C1QTNF7: variants seen among roughly 807,000 people sequenced by gnomAD.
C1QTNF7 encodes complement C1q tumor necrosis factor-related protein 7.
Under a neutral mutation model 19.6 loss-of-function variants are expected in C1QTNF7, and 15 were observed. The observed-to-expected ratio is 0.76, with a 90% CI of 0.51 to 1.18. The LOEUF is 1.18. Ranked by LOEUF, C1QTNF7 falls within the 50% of genes most tolerant of loss-of-function variation. The pLI is 0.00. For missense variants in C1QTNF7, 324 were observed against 359.7 expected (o/e 0.90, Z 0.80); for synonymous variants, 142 against 137.5 (o/e 1.03, Z -0.23).
At chr4:15,368,989 G>T (rs554717015) in intron 1 of C1QTNF7, among the ~76,000 whole-genome samples, 2 of 152,174 alleles carry the variant, frequency 1.3e-5, no homozygotes, top group Non-Finnish European at 2.9e-5. Flanking sequence ...TGGAGAAAAT[G>T]ATGTAAAAAA....
chr4:15,426,434 A>C (rs1180693758), upstream of C1QTNF7, among the ~76,000 whole-genome samples: 1 of 152,248 alleles, frequency 6.6e-6, no homozygotes, highest in African/African-American at 2.4e-5. Flanking sequence ...GTTCAGAAAG[A>C]CACAGATTAC....
intron 1 of C1QTNF7, among the ~76,000 whole-genome samples, chr4:15,415,003 G>A: frequency 6.6e-6 from 1 of 152,188 alleles, no homozygotes; most frequent in East Asian, 1.9e-4. Context: ...TAAAACATGA[G>A]TGCGCATACC....
chr4:15,342,083 G>C (rs1191880930), intron 1 of C1QTNF7, among the ~76,000 whole-genome samples: 2 of 152,204 alleles, frequency 1.3e-5, no homozygotes, highest in African/African-American at 4.8e-5. Context: ...GTCACTGGGG[G>C]GCTTTGTAAT....
At chr4:15,428,322 A>T (rs1712146644) in intron 1 of C1QTNF7, among the ~76,000 whole-genome samples, 6 of 152,094 alleles carry the variant, frequency 3.9e-5, no homozygotes, top group Admixed American at 2.6e-4. Flanking sequence ...CTAACCTACC[A>T]CAAGATGGTT....
intron 1 of C1QTNF7, among the ~76,000 whole-genome samples, chr4:15,357,702 C>G (rs1560340282): frequency 6.6e-6 from 1 of 152,164 alleles, no homozygotes; most frequent in Non-Finnish European, 1.5e-5. Context: ...AATATTGATT[C>G]TTCCTATCCA....
intron 1 of C1QTNF7, among the ~76,000 whole-genome samples, chr4:15,367,107 G>A (rs1327938300): frequency 6.6e-6 from 1 of 152,170 alleles, no homozygotes; most frequent in Non-Finnish European, 1.5e-5. Flanking sequence ...ATCAGGAAGT[G>A]CTTCTTAGTT....
Position 15,374,603 on chromosome 4 carries a change from G to A in C1QTNF7, c.13+34396G>A, listed in dbSNP as rs953709734. On this transcript the variant is annotated intron_variant, in intron 1 of 2. Coordinates refer to the C1QTNF7 transcript ENST00000295297. ...CTCTCTCTGCCACCGCTCAAAGCCTGGGAGAACGCTTTTGAAAGCGAATCA... is the reference window on the plus strand; with the variant it reads ...CTCTCTCTGCCACCGCTCAAAGCCTAGGAGAACGCTTTTGAAAGCGAATCA... The A allele has an allele frequency of 6.1e-6, 6 of 985,262 alleles. No individual in the cohort carries two copies. The African/African-American group carries it at 1.0e-4, about 17-fold the overall frequency. 61.0% of individuals were successfully genotyped at this position (985,262 alleles called of 1,614,324 possible). A position where few individuals can be genotyped will look rare whatever the true frequency, so the allele number is the denominator to read the frequency against.
intron 1 of C1QTNF7, among the ~76,000 whole-genome samples, chr4:15,412,553 T>C (rs182784492): frequency 2.6e-5 from 4 of 152,270 alleles, no homozygotes; most frequent in Admixed American, 2.0e-4. Flanking sequence ...AAAGGACTGT[T>C]GTGATTACAG....
intron 1 of C1QTNF7, among the ~76,000 whole-genome samples, chr4:15,378,703 G>T (rs1718034998): frequency 6.6e-6 from 1 of 152,164 alleles, no homozygotes; most frequent in Non-Finnish European, 1.5e-5. Flanking sequence ...GTCTGAAATT[G>T]TGCATATGTT....
At position 15,362,204 on chromosome 4, in the gene C1QTNF7, C is replaced by T. The variant is rs146093924; in HGVS notation, c.13+21997C>T. 1.4e-4 allele frequency among the ~76,000 whole-genome samples: 22 copies of T among 152,298 alleles called. No individual in the cohort carries two copies. In the East Asian group the frequency reaches 3.5e-3, roughly 24 times the overall value. ...TGCCAGCCACACAGCAAAATGTCTACACTCTTATTTCCTAAGAGGTGATGT... is the reference window on the plus strand; with the variant it reads ...TGCCAGCCACACAGCAAAATGTCTATACTCTTATTTCCTAAGAGGTGATGT... On this transcript the variant is annotated intron_variant, in intron 1 of 2. Transcript: ENST00000295297.
At chr4:15,431,440 G>A (rs543833915) in intron 1 of C1QTNF7, among the ~76,000 whole-genome samples, 35 of 152,226 alleles carry the variant, frequency 2.3e-4, no homozygotes, top group South Asian at 1.9e-3. Context: ...TTGACTTATC[G>A]TTGCATACTC....
At position 15,400,079 on chromosome 4, in the gene C1QTNF7, C is replaced by T. The variant is rs143467133; in HGVS notation, c.14-35657C>T. 6.6e-3 allele frequency among the ~76,000 whole-genome samples: 1,007 copies of T among 152,296 alleles called. 5 individuals carry two copies. Among genetic ancestry groups the T allele is most frequent in the South Asian group, 0.011 (52 of 4,830 alleles). ...AAGATACATCAATGTGATTGTAACA[C>T]ACAAGCTAGATTTTAGGGAAATGAC... On this transcript the variant is annotated intron_variant, in intron 1 of 2. Transcript: ENST00000295297.
intron 1 of C1QTNF7, among the ~76,000 whole-genome samples, chr4:15,428,943 AAT>A (rs1257908604): frequency 1.3e-5 from 2 of 152,360 alleles, no homozygotes; most frequent in African/African-American, 4.8e-5. Flanking sequence ...GTCATGAAGT[AAT>A]ATGTTATAGT....
At chr4:15,373,207 CT>C (rs1717797356) in intron 1 of C1QTNF7, among the ~76,000 whole-genome samples, 1 of 152,186 alleles carries the variant, frequency 6.6e-6, no homozygotes, top group Admixed American at 6.5e-5. Context: ...AAGATGGCAC[CT>C]TGTTGCTAAG....
chr4:15,402,986 T>G (rs1425015330), intron 1 of C1QTNF7, among the ~76,000 whole-genome samples: 1 of 56,460 alleles, frequency 1.8e-5, no homozygotes, highest in Non-Finnish European at 3.6e-5. Context: ...TTTTTTCTGT[T>G]TTTTTTTTTT....
At chr4:15,426,332 A>T (rs936926771), upstream of C1QTNF7, among the ~76,000 whole-genome samples, 1 of 152,328 alleles carries the variant, frequency 6.6e-6, no homozygotes. Flanking sequence ...TAACTGAGTG[A>T]AATAGACACT....
At chr4:15,380,615 T>G (rs1718101489) in intron 1 of C1QTNF7, among the ~76,000 whole-genome samples, 1 of 152,230 alleles carries the variant, frequency 6.6e-6, no homozygotes, top group African/African-American at 2.4e-5. Context: ...GTCTGCGTAT[T>G]CTGCTTTCCA....
chr4:15,383,128 T>G (rs1485023329), intron 1 of C1QTNF7, among the ~76,000 whole-genome samples: 2 of 152,204 alleles, frequency 1.3e-5, no homozygotes, highest in African/African-American at 4.8e-5. Context: ...CTCTGTGCTG[T>G]ACCCACATGT....
At chr4:15,415,856 A>T (rs10212846) in intron 1 of C1QTNF7, among the ~76,000 whole-genome samples, 1 of 152,094 alleles carries the variant, frequency 6.6e-6, no homozygotes, top group Non-Finnish European at 1.5e-5. Context: ...TGCCTTTGTC[A>T]TTAAATGTTA....
Sources: allele counts gnomAD v4.1 joint callset (sites outside exome capture counted in the v4.1 genomes callset), GRCh38; gene constraint gnomAD v4.1.1; transcripts MANE v1.5; gene names NCBI Gene and HGNC (gene_info 2026-07-23, HGNC 2026-07-21).